The following DNAJA2 variants were observed in gnomAD, a reference collection of about 807,000 sequenced individuals.
The protein encoded by DNAJA2 is DnaJ heat shock protein family (Hsp40) member A2, also known as dnaJ homolog subfamily A member 2.
DNAJA2 carries 6 observed loss-of-function variants against 49.3 expected under a neutral mutation model. The observed-to-expected ratio is 0.12, with a 90% confidence interval of 0.07 to 0.24. DNAJA2 has a LOEUF of 0.24. DNAJA2 is among the 10% of genes least tolerant of loss of function. The probability of loss-of-function intolerance (pLI) is 1.00; values close to 1 mark genes in which losing one functional copy is unlikely to be tolerated. For synonymous variants in DNAJA2, 160 were observed against 172.7 expected (o/e 0.93, Z 0.58); for missense variants, 347 against 516.8 (o/e 0.67, Z 3.19).
In DNAJA2 at chr16:46,973,498, C is replaced by A; in HGVS notation, c.75G>T (p.Lys25Asn). The change falls in exon 1 of 9, where the codon AAG becomes AAT. Residue 25 changes from lysine to asparagine, a missense_variant. Physicochemically the swap from Lys to Asn is moderately conservative, Grantham distance 94. Coordinates refer to ENST00000317089, the MANE Select transcript of DNAJA2 (RefSeq NM_005880.4). ...VPPGASENEL[K>N]KAYRKLAKEY... The stretch of plus-strand genomic sequence containing the variant: ...CGCCCGGCCCGCTCCCAGATACCTT[C>A]TTCAGCTCGTTCTCGCTGGCGCCGG... 6.2e-7 allele frequency: 1 copy of A among 1,602,846 alleles called. No homozygotes were observed. Among genetic ancestry groups the A allele is most frequent in the Non-Finnish European group, 8.5e-7 (1 of 1,177,444 alleles).
At position 46,957,011 on chromosome 16, in the gene DNAJA2, G is replaced by A. The variant is rs1278879764; in HGVS notation, c.*18C>T. 1 of 1,613,804 alleles carries A rather than the reference G, an allele frequency of 6.2e-7. No individual in the cohort carries two copies. Among genetic ancestry groups the A allele is most frequent in the African/African-American group, 1.3e-5 (1 of 74,916 alleles). On this transcript the variant is annotated 3_prime_UTR_variant, in exon 9 of 9. Coordinates refer to ENST00000317089, the MANE Select transcript of DNAJA2 (RefSeq NM_005880.4). ...AAATGTGGAAAGAAAATCCACCTGT[G>A]CAATTTGTTTGCAGAGTTTACTGAT...
At position 46,956,844 on chromosome 16, in the gene DNAJA2, T is replaced by C. The variant is rs187678402; in HGVS notation, c.*185A>G. ...TGCTATGGAACAGTCAAAATGAAGA[T>C]GTAAAGCTTTGTGGTTAGTTTAAAT... On this transcript the variant is annotated 3_prime_UTR_variant, in exon 9 of 9. Coordinates refer to ENST00000317089, the MANE Select transcript of DNAJA2 (RefSeq NM_005880.4). 1.2e-5 allele frequency: 8 copies of C among 647,944 alleles called. No individual in the cohort carries two copies. The highest frequency in any genetic ancestry group is 8.2e-5 in the Admixed American group (3 of 36,558). The allele number at this position is 647,944 out of a possible 1,614,324, so 40.1% of individuals were successfully genotyped here.
chr16:46,973,408 G>C, intron 1 of DNAJA2, 87 bp downstream of exon 1: 1 of 1,332,624 alleles, frequency 7.5e-7, no homozygotes, highest in Non-Finnish European at 9.9e-7. Context: ...CTCGCGGGCA[G>C]CCCAGTAGCG....
chr16:46,971,925 G>A lies in DNAJA2; in HGVS notation c.109C>T (p.Pro37Ser), dbSNP rs1257939668. The A allele has an allele frequency of 6.2e-7, 1 of 1,612,872 alleles. No individual in the cohort carries two copies. Among genetic ancestry groups the A allele is most frequent in the Non-Finnish European group, 8.5e-7 (1 of 1,179,262 alleles). ...TCTCCTGCATTTGGATTCTTATCAG[G>A]ATGATATTCCTTGGCTAACTTTCTG... is the stretch of plus-strand genomic sequence containing the variant. ...AYRKLAKEYHPDKNPNAGDKF... is the reference protein window; with the variant it reads ...AYRKLAKEYHSDKNPNAGDKF... The change falls in exon 2 of 9, where the codon CCT becomes TCT. Residue 37 changes from proline (P) to serine (S), a missense_variant. Transcript: ENST00000317089.
intron 4 of DNAJA2, 137 bp from the exon 5 acceptor site, chr16:46,967,783 A>G: frequency 8.0e-7 from 1 of 1,251,316 alleles, no homozygotes; most frequent in Non-Finnish European, 1.1e-6. Flanking sequence ...GAAGTATCAG[A>G]AAACATTCTG....
Position 46,959,056 on chromosome 16 carries a change from TTATG to T in DNAJA2, c.990_993del (p.Tyr330Ter). The stretch of plus-strand genomic sequence containing the variant: ...TTTTCAGGAAACTGCACATCAAACT[TTATG>T]TAAAGATCACCTTTTTCAAAGGGAT... On this transcript the variant is annotated frameshift_variant, in exon 8 of 9. Transcript: ENST00000317089. LOFTEE classifies it high-confidence loss of function. 1 of 1,613,042 alleles carries T rather than the reference TTATG, an allele frequency of 6.2e-7. No individual in the cohort carries two copies.
At chr16:46,971,035 C>CA (rs540358713) in intron 3 of DNAJA2, among the ~76,000 whole-genome samples, 6,383 of 121,596 alleles carry the variant, frequency 0.052, 172 homozygotes, top group Middle Eastern at 0.083. Flanking sequence ...AACTCGGTCT[C>CA]AAAAAAAAAA....
chr16:46,959,536 A>G, intron 6 of DNAJA2, 117 bp from the exon 7 acceptor site: 1 of 967,600 alleles, frequency 1.0e-6, no homozygotes, highest in South Asian at 1.7e-5. Context: ...CTGCAAATCC[A>G]AAGTGCCACT....
At position 46,957,064 on chromosome 16, in the gene DNAJA2, G is replaced by A. The variant is rs1416979922; in HGVS notation, c.1204C>T (p.His402Tyr). The A allele has an allele frequency of 1.2e-6, 2 of 1,614,046 alleles. No individual in the cohort carries two copies. Among genetic ancestry groups the A allele is most frequent in the Admixed American group, 1.7e-5 (1 of 60,008 alleles). The change falls in exon 9 of 9, where the codon CAT (histidine) becomes TAT (tyrosine). Residue 402 changes from histidine (H) to tyrosine (Y), a missense_variant. Transcript: ENST00000317089. ...NDSSDEESSSHHGPGVQCAHQ is the reference protein window; with the variant it reads ...NDSSDEESSSYHGPGVQCAHQ ...GCACACTGCACTCCAGGTCCATGAT[G>A]GCTGCTGCTTTCTTCATCAGAGCTA...
rs931636663 is a variant in DNAJA2, at chr16:46,955,610, A to C, written c.*1419T>G. The C allele has an allele frequency of 7.2e-5, 11 of 152,212 alleles. No individual in the cohort carries two copies. Among genetic ancestry groups the C allele is most frequent in the Non-Finnish European group, 1.5e-4 (10 of 68,034 alleles). 9.4% of individuals were successfully genotyped at this position (152,212 alleles called of 1,614,324 possible). ...CATTCAGGTTTTCAGGTTCTAGCAG[A>C]CCTAGAAATAAACTACAAATACTAG... On this transcript the variant is annotated 3_prime_UTR_variant, in exon 9 of 9. Coordinates refer to ENST00000317089, the MANE Select transcript of DNAJA2 (RefSeq NM_005880.4).
chr16:46,969,278 G>A (rs898816248), intron 3 of DNAJA2, among the ~76,000 whole-genome samples: 17 of 152,052 alleles, frequency 1.1e-4, no homozygotes, highest in African/African-American at 3.9e-4. Context: ...ACTGTTGTAG[G>A]CAGGATAAGA....
At chr16:46,965,146 G>A (rs1374690492) in intron 5 of DNAJA2, among the ~76,000 whole-genome samples, 3 of 152,070 alleles carry the variant, frequency 2.0e-5, no homozygotes, top group African/African-American at 7.2e-5. Flanking sequence ...GGAGTTCGAG[G>A]CTGCAGTTAG....
chr16:46,963,817 A>G (rs34802381), intron 6 of DNAJA2, among the ~76,000 whole-genome samples: 3,746 of 152,324 alleles, frequency 0.025, 58 homozygotes, highest in Non-Finnish European at 0.04. Flanking sequence ...TGGGTACCCA[A>G]TAAGTAAAAA....
intron 3 of DNAJA2, among the ~76,000 whole-genome samples, chr16:46,969,456 A>G (rs1342028990): frequency 6.6e-6 from 1 of 152,248 alleles, no homozygotes; most frequent in African/African-American, 2.4e-5. Flanking sequence ...ATTGGTATGC[A>G]CAACCAGTAT....
rs780723242 is a variant in DNAJA2, at chr16:46,967,535, C to T, written c.555G>A (p.Val185=). Residue 185 remains valine (V), a synonymous_variant, in exon 5 of 9, where the codon GTG becomes GTA. Coordinates refer to ENST00000317089, the MANE Select transcript of DNAJA2 (RefSeq NM_005880.4). ...APGMVQQMQS[V]CSDCNGEGEV... The stretch of plus-strand genomic sequence containing the variant: ...TACCTTCTCCATTACAATCAGAGCA[C>T]ACAGACTGCATCTGTTGTACCATCC... 1 of 1,614,170 alleles carries T rather than the reference C, an allele frequency of 6.2e-7. No individual in the cohort carries two copies. The highest frequency in any genetic ancestry group is 8.5e-7 in the Non-Finnish European group (1 of 1,180,020).
intron 6 of DNAJA2, among the ~76,000 whole-genome samples, chr16:46,960,598 G>A (rs1040351804): frequency 6.6e-6 from 1 of 151,980 alleles, no homozygotes. Context: ...GGCCAATATG[G>A]TGAAACCCCA....
intron 6 of DNAJA2, among the ~76,000 whole-genome samples, chr16:46,962,877 T>A (rs911835157): frequency 6.6e-6 from 1 of 152,160 alleles, no homozygotes; most frequent in Non-Finnish European, 1.5e-5. Context: ...TTGTGAGGGA[T>A]TACTACCAAA....
chr16:46,963,495 CCT>C (rs1414555816), intron 6 of DNAJA2, among the ~76,000 whole-genome samples: 10 of 150,938 alleles, frequency 6.6e-5, no homozygotes, highest in Admixed American at 4.0e-4. Context: ...ATGGCAAGAC[CCT>C]GTCTCTACTA....
At chr16:46,968,268 A>C in intron 3 of DNAJA2, 104 bp from the exon 4 acceptor site, 1 of 718,332 alleles carries the variant, frequency 1.4e-6, no homozygotes. Context: ...CTTTTAAAAC[A>C]GAATTCAAAA....
Sources: allele counts gnomAD v4.1 joint callset (sites outside exome capture counted in the v4.1 genomes callset), GRCh38; gene constraint gnomAD v4.1.1; transcripts MANE v1.5; gene names NCBI Gene and HGNC (gene_info 2026-07-23, HGNC 2026-07-21).